Variants in SCFD2 observed in about 807,000 individuals in gnomAD.
SCFD2 encodes sec1 family domain-containing protein 2.
Under a neutral mutation model 58.9 loss-of-function variants are expected in SCFD2, and 54 were observed. That is an observed-to-expected ratio of 0.92 (90% CI 0.74 to 1.15). The LOEUF (loss-of-function observed/expected upper bound fraction) is 1.15. SCFD2 is among the 50% of genes most tolerant of loss of function. SCFD2 has a pLI of 0.00. For synonymous variants in SCFD2, 321 were observed against 335.9 expected, an observed-to-expected ratio of 0.96 and a Z score of 0.49; for missense variants, 805 against 836.6, an observed-to-expected ratio of 0.96 and a Z score of 0.47.
chr4:53,140,148 T>C (rs1726084898), intron 5 of SCFD2, among the ~76,000 whole-genome samples: 1 of 151,136 alleles, frequency 6.6e-6, no homozygotes, highest in Non-Finnish European at 1.5e-5. Context: ...CCTCCACTAT[T>C]GTCCTATGAC....
intron 5 of SCFD2, among the ~76,000 whole-genome samples, chr4:53,058,907 G>A (rs1360594255): frequency 6.6e-6 from 1 of 152,098 alleles, no homozygotes; most frequent in Non-Finnish European, 1.5e-5. Context: ...GAGCCTTTTG[G>A]AAGATGGAAA....
At chr4:53,124,124 C>G (rs1460432988) in intron 5 of SCFD2, among the ~76,000 whole-genome samples, 2 of 152,104 alleles carry the variant, frequency 1.3e-5, no homozygotes, top group African/African-American at 4.8e-5. Context: ...GACTATGAGA[C>G]CAGTGAGCTA....
intron 5 of SCFD2, among the ~76,000 whole-genome samples, chr4:53,080,297 C>T (rs1430112448): frequency 2.0e-5 from 3 of 152,102 alleles, no homozygotes; most frequent in African/African-American, 7.2e-5. Flanking sequence ...TTTCCAATCT[C>T]CACTCAGGAA....
intron 2 of SCFD2, among the ~76,000 whole-genome samples, chr4:53,341,980 C>T (rs901255417): frequency 6.6e-6 from 1 of 152,172 alleles, no homozygotes; most frequent in African/African-American, 2.4e-5. Context: ...AAAGGAACAA[C>T]CGGTACCAGC....
At chr4:53,195,670 T>A (rs1337234614) in intron 4 of SCFD2, among the ~76,000 whole-genome samples, 1 of 152,142 alleles carries the variant, frequency 6.6e-6, no homozygotes, top group Non-Finnish European at 1.5e-5. Context: ...ACTGAAGAAA[T>A]CGTACGAACA....
intron 5 of SCFD2, among the ~76,000 whole-genome samples, chr4:52,966,025 T>C (rs1199339532): frequency 1.3e-5 from 2 of 152,182 alleles, no homozygotes; most frequent in Non-Finnish European, 2.9e-5. Context: ...GGGACAAGAA[T>C]TAAAAATGGC....
chr4:53,277,934 T>C (rs985104317), intron 3 of SCFD2, among the ~76,000 whole-genome samples: 3 of 151,894 alleles, frequency 2.0e-5, no homozygotes, highest in African/African-American at 7.3e-5. Context: ...GCGCCTGTAG[T>C]CCCAGCTACT....
chr4:53,143,462 A>C (rs1365856462), intron 5 of SCFD2, among the ~76,000 whole-genome samples: 4 of 152,234 alleles, frequency 2.6e-5, no homozygotes, highest in Non-Finnish European at 2.9e-5. Flanking sequence ...ATACTTAATG[A>C]AATGGCTTTA....
intron 5 of SCFD2, among the ~76,000 whole-genome samples, chr4:53,116,407 A>G (rs746562965): frequency 6.6e-6 from 1 of 152,204 alleles, no homozygotes; most frequent in Non-Finnish European, 1.5e-5. Flanking sequence ...TAAATAATGT[A>G]CTGGCTGTTA....
chr4:52,892,074 G>C (rs569944565), intron 7 of SCFD2, among the ~76,000 whole-genome samples: 5 of 152,232 alleles, frequency 3.3e-5, no homozygotes, highest in African/African-American at 1.2e-4. Flanking sequence ...GAGCTATAAG[G>C]CTGTCTCTCA....
At chr4:53,264,315 C>T (rs1321449829) in intron 4 of SCFD2, among the ~76,000 whole-genome samples, 1 of 152,216 alleles carries the variant, frequency 6.6e-6, no homozygotes, top group Non-Finnish European at 1.5e-5. Context: ...TCTGTGCATT[C>T]TCTCAGCTTT....
At chr4:53,247,076 AAAC>A (rs1354182605) in intron 4 of SCFD2, among the ~76,000 whole-genome samples, 1 of 152,098 alleles carries the variant, frequency 6.6e-6, no homozygotes, top group Non-Finnish European at 1.5e-5. Context: ...AGAATTAAAA[AAAC>A]AAAAGTTGAG....
At chr4:52,911,830 A>G (rs1719492929) in intron 6 of SCFD2, among the ~76,000 whole-genome samples, 1 of 152,226 alleles carries the variant, frequency 6.6e-6, no homozygotes, top group Admixed American at 6.5e-5. Flanking sequence ...TGAGACTCTG[A>G]AAACCACTTC....
intron 4 of SCFD2, among the ~76,000 whole-genome samples, chr4:53,255,382 T>A (rs1202716598): frequency 6.6e-6 from 1 of 152,128 alleles, no homozygotes; most frequent in African/African-American, 2.4e-5. Flanking sequence ...TTTGTGTCCC[T>A]GGGTACTTAA....
At chr4:53,243,138 A>G (rs561881595) in intron 4 of SCFD2, among the ~76,000 whole-genome samples, 1 of 152,310 alleles carries the variant, frequency 6.6e-6, no homozygotes, top group African/African-American at 2.4e-5. Context: ...GAACCCCAGG[A>G]AAATACTTTA....
intron 4 of SCFD2, among the ~76,000 whole-genome samples, chr4:53,238,570 G>A (rs549419262): frequency 7.3e-5 from 11 of 151,104 alleles, no homozygotes; most frequent in East Asian, 2.0e-4. Flanking sequence ...CAGATGGGGC[G>A]GCTGCCGGGC....
At position 53,342,154 on chromosome 4, in the gene SCFD2, T is replaced by C. The variant is rs546338902; in HGVS notation, c.1007+10444A>G. On this transcript the variant is annotated intron_variant, in intron 2 of 8. Transcript: ENST00000401642. ...GGCTAAATGCTCCAATTAAAAGACA[T>C]AGACTGGCAAATTGGATAAAGAGTC... Among the ~76,000 whole-genome samples, 14 of 152,210 alleles carry C rather than the reference T, an allele frequency of 9.2e-5. 1 individual carries two copies. Among genetic ancestry groups the C allele is most frequent in the South Asian group, 6.2e-4 (3 of 4,822 alleles).
intron 3 of SCFD2, among the ~76,000 whole-genome samples, chr4:53,297,418 C>G (rs1438654835): frequency 6.6e-6 from 1 of 151,186 alleles, no homozygotes; most frequent in Non-Finnish European, 1.5e-5. Flanking sequence ...TTTGATCATT[C>G]TTAGTTTAAG....
intron 7 of SCFD2, 131 bp downstream of exon 7, chr4:52,907,326 G>T: frequency 1.1e-6 from 1 of 869,702 alleles, no homozygotes; most frequent in Non-Finnish European, 1.8e-6. Context: ...GATTGCCCTT[G>T]ATTTTAGAAG....
Sources: allele counts gnomAD v4.1 joint callset (sites outside exome capture counted in the v4.1 genomes callset), GRCh38; gene constraint gnomAD v4.1.1; transcripts MANE v1.5; gene names NCBI Gene and HGNC (gene_info 2026-07-23, HGNC 2026-07-21).